Variants in ARMH4 observed in about 807,000 individuals in gnomAD.
ARMH4 encodes armadillo like helical domain containing 4, also known as armadillo-like helical domain-containing protein 4.
In ARMH4, 49 loss-of-function variants were observed where a neutral mutation model predicts 61.9. The observed-to-expected ratio is 0.79, with a 90% CI of 0.63 to 1.00. The LOEUF (loss-of-function observed/expected upper bound fraction) is 1.00. Ranked by LOEUF, ARMH4 falls within the 50% of genes least tolerant of loss-of-function variation. The pLI, the probability that ARMH4 is intolerant of heterozygous loss-of-function variation, is 0.00. For missense variants in ARMH4, 934 were observed against 930.0 expected (o/e 1.00, Z -0.06); for synonymous variants, 368 against 341.5 (o/e 1.08, Z -0.85).
chr14:58,117,927 TA>T (rs34021220), intron 4 of ARMH4, among the ~76,000 whole-genome samples: 63,239 of 146,276 alleles, frequency 0.43, 14,399 homozygotes, highest in Non-Finnish European at 0.53. Context: ...CCCAGCTAAT[TA>T]AAAAAAAAAA....
In ARMH4 at chr14:58,145,831, A is replaced by G. The variant is rs115937184; in HGVS notation, c.-57+6244T>C. 8.6e-3 allele frequency among the ~76,000 whole-genome samples: 1,315 copies of G among 152,336 alleles called. 20 individuals are homozygous for G. The highest frequency in any genetic ancestry group is 0.03 in the African/African-American group (1,244 of 41,574). On this transcript the variant is annotated intron_variant, in intron 1 of 7. Transcript: ENST00000267485. ...CCCTCTCCCCACTATCGAAAGCAAC[A>G]ACTATACGTTAAAAGGAAAAAAGAC... is the stretch of plus-strand genomic sequence containing the variant.
At chr14:58,130,142 C>A (rs1887038933) in intron 4 of ARMH4, among the ~76,000 whole-genome samples, 1 of 152,148 alleles carries the variant, frequency 6.6e-6, no homozygotes, top group African/African-American at 2.4e-5. Flanking sequence ...GGGAAACCTG[C>A]TTTTTCCAGA....
intron 4 of ARMH4, among the ~76,000 whole-genome samples, chr14:58,100,623 G>A (rs2141270287): frequency 2.0e-5 from 3 of 152,256 alleles, no homozygotes; most frequent in South Asian, 4.1e-4. Context: ...AGGTTATTAG[G>A]AAAACTATCA....
chr14:58,060,408 T>A (rs1458624407), intron 5 of ARMH4, among the ~76,000 whole-genome samples: 1 of 152,192 alleles, frequency 6.6e-6, no homozygotes, highest in Non-Finnish European at 1.5e-5. Flanking sequence ...TTCTAACAGA[T>A]AAATTGACTG....
Position 58,002,090 on chromosome 14 carries a change from C to A in ARMH4, c.*2646G>T, listed in dbSNP as rs191514519. On this transcript the variant is annotated 3_prime_UTR_variant, in exon 8 of 8. Coordinates refer to ENST00000267485, the MANE Select transcript of ARMH4 (RefSeq NM_001001872.4). ...CTTATTTTGGGTAAACCTACAAGTG[C>A]CTGATTTACTACTTCTCAACTGGAC... The A allele has an allele frequency of 2.0e-4, 31 of 152,196 alleles. No homozygotes were observed. The highest frequency in any genetic ancestry group is 3.4e-3 in the Middle Eastern group (1 of 294). 9.4% of individuals were successfully genotyped at this position (152,196 alleles called of 1,614,324 possible). A position where few individuals can be genotyped will look rare whatever the true frequency, so the allele number is the denominator to read the frequency against.
intron 5 of ARMH4, among the ~76,000 whole-genome samples, chr14:58,024,033 T>C (rs1218686183): frequency 6.6e-6 from 1 of 152,184 alleles, no homozygotes; most frequent in East Asian, 1.9e-4. Context: ...TTTAGCATAA[T>C]TCTTAAGGGC....
chr14:58,131,038 C>G (rs761229194), intron 4 of ARMH4, among the ~76,000 whole-genome samples: 1 of 152,170 alleles, frequency 6.6e-6, no homozygotes, highest in African/African-American at 2.4e-5. Flanking sequence ...TTCTAATGGT[C>G]AACTATAGTT....
intron 5 of ARMH4, among the ~76,000 whole-genome samples, chr14:58,028,625 G>A (rs549503467): frequency 2.6e-5 from 4 of 152,234 alleles, no homozygotes; most frequent in African/African-American, 9.6e-5. Context: ...GTCTCTTGAT[G>A]CCATGTTGGT....
chr14:58,052,106 C>T (rs764993688), intron 5 of ARMH4, among the ~76,000 whole-genome samples: 1 of 152,124 alleles, frequency 6.6e-6, no homozygotes, highest in African/African-American at 2.4e-5. Flanking sequence ...AATTTGCAAC[C>T]CCTGCTGGCC....
chr14:58,021,998 A>G (rs990734284), intron 5 of ARMH4, among the ~76,000 whole-genome samples: 4 of 152,192 alleles, frequency 2.6e-5, no homozygotes, highest in African/African-American at 9.6e-5. Flanking sequence ...TACCACAAAC[A>G]TAGTGGAATA....
intron 5 of ARMH4, among the ~76,000 whole-genome samples, chr14:58,085,063 T>C (rs1885337617): frequency 6.6e-6 from 1 of 152,214 alleles, no homozygotes; most frequent in Admixed American, 6.5e-5. Flanking sequence ...TTAAGTGCAT[T>C]CTTTCTCTGA....
intron 1 of ARMH4, among the ~76,000 whole-genome samples, chr14:58,142,445 T>TGTTC (rs546356692): frequency 1.3e-5 from 2 of 151,812 alleles, no homozygotes; most frequent in South Asian, 4.1e-4. Flanking sequence ...CTTCCTCCTT[T>TGTTC]TTTTGTTTCT....
chr14:58,148,986 G>C (rs1887837923), intron 1 of ARMH4, among the ~76,000 whole-genome samples: 1 of 152,044 alleles, frequency 6.6e-6, no homozygotes, highest in Non-Finnish European at 1.5e-5. Context: ...CTCTGATGAG[G>C]GGGATAGTGT....
chr14:58,009,072 T>C (rs565014855), intron 6 of ARMH4, among the ~76,000 whole-genome samples: 1 of 152,306 alleles, frequency 6.6e-6, no homozygotes, highest in South Asian at 2.1e-4. Flanking sequence ...ACAGGAAGTG[T>C]CCTTCAATAT....
At chr14:58,025,987 T>C (rs1883006368) in intron 5 of ARMH4, among the ~76,000 whole-genome samples, 1 of 152,044 alleles carries the variant, frequency 6.6e-6, no homozygotes. Context: ...TCAAGTAATA[T>C]TAAGAATGTC....
chr14:58,119,299 G>A (rs1308524056), intron 4 of ARMH4, among the ~76,000 whole-genome samples: 1 of 152,222 alleles, frequency 6.6e-6, no homozygotes, highest in Non-Finnish European at 1.5e-5. Flanking sequence ...GCTTGATAAA[G>A]TGTAGTTGAT....
chr14:58,094,329 C>CA (rs759288462), intron 5 of ARMH4, among the ~76,000 whole-genome samples: 1,776 of 117,608 alleles, frequency 0.015, 24 homozygotes, highest in Middle Eastern at 0.067. Context: ...GACGCTTTCT[C>CA]AAAAAAAAAA....
chr14:58,152,146 G>C lies in ARMH4; in HGVS notation c.-128C>G, dbSNP rs1887955715. Reference sequence around the variant, plus strand: ...GGCGCGGGCGCTCGGCATCCCAGCGGCGGGCCCTGCGGCGGCGGCGGCGGT... The same window carrying C: ...GGCGCGGGCGCTCGGCATCCCAGCGCCGGGCCCTGCGGCGGCGGCGGCGGT... On this transcript the variant is annotated 5_prime_UTR_variant, in exon 1 of 8. Transcript: ENST00000267485. 1 of 162,586 alleles carries C rather than the reference G, an allele frequency of 6.2e-6. No homozygotes were observed. The highest frequency in any genetic ancestry group is 1.3e-5 in the Non-Finnish European group (1 of 76,344). 10.1% of individuals were successfully genotyped at this position (162,586 alleles called of 1,614,324 possible).
chr14:58,060,270 A>G lies in ARMH4; in HGVS notation c.2089+36454T>C, dbSNP rs560659998. Among the ~76,000 whole-genome samples the G allele has an allele frequency of 2.0e-5, 3 of 152,348 alleles. No homozygotes were observed. The East Asian group carries it at 5.8e-4, about 29-fold the overall frequency. On this transcript the variant is annotated intron_variant, in intron 5 of 7. Transcript: ENST00000267485. The stretch of plus-strand genomic sequence containing the variant: ...TCTCCTAAACAAGGCAGCATTAATG[A>G]GTCAGCTTTGCTGTTATTTCCTCAT...
Sources: allele counts gnomAD v4.1 joint callset (sites outside exome capture counted in the v4.1 genomes callset), GRCh38; gene constraint gnomAD v4.1.1; transcripts MANE v1.5; gene names NCBI Gene and HGNC (gene_info 2026-07-23, HGNC 2026-07-21).